Variants in GCNT1 observed in about 807,000 individuals in gnomAD.
GCNT1 encodes the protein beta-1,3-galactosyl-O-glycosyl-glycoprotein beta-1,6-N-acetylglucosaminyltransferase.
GCNT1 carries 16 observed loss-of-function variants against 26.2 expected under a neutral mutation model. That is an observed-to-expected ratio of 0.61 (90% CI 0.41 to 0.93). The LOEUF (loss-of-function observed/expected upper bound fraction) is 0.93, where lower values mean the gene tolerates loss of function less well. GCNT1 is among the 40% of genes least tolerant of loss of function. GCNT1 has a pLI of 0.00. For missense variants in GCNT1, 477 were observed against 526.7 expected (o/e 0.91, Z 0.92); for synonymous variants, 183 against 190.8 (o/e 0.96, Z 0.34).
intron 1 of GCNT1, among the ~76,000 whole-genome samples, chr9:76,447,004 A>C (rs1823587278): frequency 1.3e-5 from 2 of 151,616 alleles, no homozygotes; most frequent in Admixed American, 1.3e-4. Flanking sequence ...AAAATACAAA[A>C]ATTAACTGGG....
chr9:76,400,793 A>T, the GCNT1 span, among the ~76,000 whole-genome samples: 5 of 152,204 alleles, frequency 3.3e-5, no homozygotes, highest in African/African-American at 9.7e-5. Flanking sequence ...GCATGTGTGA[A>T]TCGACTAAAC....
chr9:76,479,631 A>G (rs1587440034), intron 2 of GCNT1, among the ~76,000 whole-genome samples: 1 of 152,180 alleles, frequency 6.6e-6, no homozygotes, highest in East Asian at 1.9e-4. Context: ...GCATTTTTTC[A>G]TATGCCTGTT....
intron 2 of GCNT1, among the ~76,000 whole-genome samples, chr9:76,496,074 A>G (rs1038821155): frequency 1.3e-5 from 2 of 152,202 alleles, no homozygotes; most frequent in African/African-American, 4.8e-5. Flanking sequence ...AGTTCTGGGA[A>G]CTAATATGGA....
chr9:76,407,017 G>A, the GCNT1 span, among the ~76,000 whole-genome samples: 1 of 152,082 alleles, frequency 6.6e-6, no homozygotes, highest in Admixed American at 6.5e-5. Flanking sequence ...CTTCAGCCTG[G>A]GCAGCAGAGA....
At chr9:76,413,658 T>G in the GCNT1 span, among the ~76,000 whole-genome samples, 3,437 of 68,124 alleles carry the variant, frequency 0.05, 68 homozygotes, top group Middle Eastern at 0.087. Flanking sequence ...GTTTTGTTTT[T>G]TTTTTTTTTG....
rs921060760 is a variant in GCNT1, at chr9:76,441,826, G to T, written c.-779G>T. 4.6e-5 allele frequency: 7 copies of T among 152,316 alleles called. No homozygotes were observed. The East Asian group carries it at 1.4e-3, about 29-fold the overall frequency. 9.4% of individuals were successfully genotyped at this position (152,316 alleles called of 1,614,324 possible). On this transcript the variant is annotated 5_prime_UTR_variant, in exon 1 of 3. Coordinates refer to the GCNT1 transcript ENST00000442371. Reference sequence around the variant, plus strand: ...TCTTAATGGGTAATGCAGACAACTGGAATGCAATCATCAGGTATTCATTTC... The same window carrying T: ...TCTTAATGGGTAATGCAGACAACTGTAATGCAATCATCAGGTATTCATTTC...
In GCNT1 at chr9:76,505,400, G is replaced by C. The variant is rs1003578581; in HGVS notation, c.*1732G>C. ...GAACATGCTTGTTTTGAAAACTCGA[G>C]ATGATGAGGGTGGTACATGCAGTGT... On this transcript the variant is annotated 3_prime_UTR_variant, in exon 4 of 4. Transcript: ENST00000376730. 6.0e-6 allele frequency: 1 copy of C among 167,600 alleles called. No homozygotes were observed. Among genetic ancestry groups the C allele is most frequent in the Non-Finnish European group, 1.5e-5 (1 of 68,522 alleles). The allele number at this position is 167,600 out of a possible 1,614,324, so 10.4% of individuals were successfully genotyped here. A position where few individuals can be genotyped will look rare whatever the true frequency, so the allele number is the denominator to read the frequency against.
chr9:76,444,892 T>C lies in GCNT1; in HGVS notation c.-290+2577T>C, dbSNP rs116448802. 3.8e-3 allele frequency among the ~76,000 whole-genome samples: 574 copies of C among 152,138 alleles called. 4 individuals carry two copies. Among genetic ancestry groups the C allele is most frequent in the African/African-American group, 0.014 (560 of 41,478 alleles). On this transcript the variant is annotated intron_variant, in intron 1 of 2. Coordinates refer to the GCNT1 transcript ENST00000442371. ...AGGTCAGTTTTCTATGAAGCAGGAG[T>C]CAGTAAACTGCAGCAAACTATGATC... is the stretch of plus-strand genomic sequence containing the variant.
At chr9:76,471,277 C>T (rs1203451956) in intron 2 of GCNT1, among the ~76,000 whole-genome samples, 3 of 152,114 alleles carry the variant, frequency 2.0e-5, no homozygotes, top group South Asian at 2.1e-4. Context: ...TTGCCCACCT[C>T]GGCCTCCTAA....
intron 1 of GCNT1, among the ~76,000 whole-genome samples, chr9:76,448,734 G>A (rs890819835): frequency 1.3e-5 from 2 of 152,160 alleles, no homozygotes; most frequent in Admixed American, 1.3e-4. Flanking sequence ...ACTCTTTCGT[G>A]TTTGGCATCT....
At chr9:76,416,884 C>A (rs1823137798), upstream of GCNT1, among the ~76,000 whole-genome samples, 1 of 152,016 alleles carries the variant, frequency 6.6e-6, no homozygotes, top group African/African-American at 2.4e-5. Context: ...CATGGTGAAA[C>A]CCTGTCTCTA....
At chr9:76,472,835 G>A (rs904585090) in intron 2 of GCNT1, among the ~76,000 whole-genome samples, 1 of 145,236 alleles carries the variant, frequency 6.9e-6, no homozygotes, top group African/African-American at 2.6e-5. Flanking sequence ...TGCAACTTCT[G>A]CCTCCCAGAT....
chr9:76,506,490 GCCA>G lies in GCNT1; in HGVS notation c.*2830_*2832del, dbSNP rs1261654119. On this transcript the variant is annotated 3_prime_UTR_variant, in exon 4 of 4. Coordinates refer to ENST00000376730, the MANE Select transcript of GCNT1 (RefSeq NM_001490.5). ...GGCGGAGGTTGCAGTGAGCTGAGAT[GCCA>G]CCACCACACCAGCCTGGGTGACAGA... The G allele has an allele frequency of 6.0e-6, 1 of 166,702 alleles. No individual in the cohort carries two copies. Among genetic ancestry groups the G allele is most frequent in the Non-Finnish European group, 1.5e-5 (1 of 68,104 alleles). The allele number at this position is 166,702 out of a possible 1,614,324, so 10.3% of individuals were successfully genotyped here.
At chr9:76,491,221 C>T (rs1185429240) in intron 2 of GCNT1, among the ~76,000 whole-genome samples, 2 of 149,866 alleles carry the variant, frequency 1.3e-5, no homozygotes, top group South Asian at 2.1e-4. Context: ...GTCTCTTCCT[C>T]TCTCTCTCTC....
intron 2 of GCNT1, among the ~76,000 whole-genome samples, chr9:76,498,158 T>A (rs551488914): frequency 6.6e-6 from 1 of 152,376 alleles, no homozygotes; most frequent in African/African-American, 2.4e-5. Context: ...GACCTTCATA[T>A]CTTATTATAC....
chr9:76,474,967 C>T (rs553085785), intron 2 of GCNT1, among the ~76,000 whole-genome samples: 6 of 152,232 alleles, frequency 3.9e-5, no homozygotes, highest in African/African-American at 1.2e-4. Context: ...GACGGAGTCT[C>T]GCTCCGTTGC....
chr9:76,477,223 T>C (rs546960281), intron 2 of GCNT1, among the ~76,000 whole-genome samples: 2 of 151,860 alleles, frequency 1.3e-5, no homozygotes, highest in South Asian at 4.2e-4. Context: ...CCTCTTAAAT[T>C]AATTTTTAAA....
At chr9:76,473,189 A>C (rs1824178758) in intron 2 of GCNT1, among the ~76,000 whole-genome samples, 1 of 152,222 alleles carries the variant, frequency 6.6e-6, no homozygotes, top group Non-Finnish European at 1.5e-5. Flanking sequence ...TTTCAGCTCT[A>C]CAATGGATGC....
At chr9:76,427,331 A>C (rs1823271451) in intron 1 of GCNT1, among the ~76,000 whole-genome samples, 1 of 151,400 alleles carries the variant, frequency 6.6e-6, no homozygotes, top group Non-Finnish European at 1.5e-5. Context: ...ACAGCTACGC[A>C]CCCATGCTCA....
Sources: allele counts gnomAD v4.1 joint callset (sites outside exome capture counted in the v4.1 genomes callset), GRCh38; gene constraint gnomAD v4.1.1; transcripts MANE v1.5; gene names NCBI Gene and HGNC (gene_info 2026-07-23, HGNC 2026-07-21).